ADGRL3: variants seen among roughly 807,000 people sequenced by gnomAD.
ADGRL3 encodes the protein calcium-independent alpha-latrotoxin receptor 3.
Under a neutral mutation model 153.5 loss-of-function variants are expected in ADGRL3, and 62 were observed. The ratio of observed to expected loss-of-function variants is 0.40; its 90% CI spans 0.33 to 0.50. ADGRL3 has a LOEUF of 0.50. Among genes scored for constraint, ADGRL3 ranks in the 20% least tolerant of loss-of-function variants. The pLI is 0.47. For synonymous variants in ADGRL3, 710 were observed against 672.5 expected (o/e 1.06, Z -0.86); for missense variants, 1,641 against 1,859.4 (o/e 0.88, Z 2.16).
At chr4:61,313,255 G>T (rs2095080541) in intron 1 of ADGRL3, among the ~76,000 whole-genome samples, 1 of 152,152 alleles carries the variant, frequency 6.6e-6, no homozygotes, top group African/African-American at 2.4e-5. Flanking sequence ...GATGAAGAAA[G>T]ATGAGCACAG....
chr4:61,419,674 T>C (rs1238085016), intron 2 of ADGRL3, among the ~76,000 whole-genome samples: 2 of 152,240 alleles, frequency 1.3e-5, no homozygotes. Context: ...AAAGAACTTA[T>C]TTGAGGACAT....
intron 1 of ADGRL3, among the ~76,000 whole-genome samples, chr4:61,246,732 T>C (rs1757251468): frequency 6.6e-6 from 1 of 151,692 alleles, no homozygotes; most frequent in African/African-American, 2.4e-5. Context: ...AAATGAGGTG[T>C]GTATATATAT....
rs1446458338 is a variant in ADGRL3, at chr4:62,072,650, T to G, written c.*1742T>G. On this transcript the variant is annotated 3_prime_UTR_variant, in exon 27 of 27. Transcript: ENST00000683033. ...GTAAACCAGAAAAATGGAATGGGCATGTTTATTTTGGATGAAATCAGATGC... is the reference window on the plus strand; with the variant it reads ...GTAAACCAGAAAAATGGAATGGGCAGGTTTATTTTGGATGAAATCAGATGC... The G allele has an allele frequency of 6.6e-6, 1 of 152,188 alleles. No homozygotes were observed. Among genetic ancestry groups the G allele is most frequent in the East Asian group, 1.9e-4 (1 of 5,182 alleles). 9.4% of individuals were successfully genotyped at this position (152,188 alleles called of 1,614,324 possible). A position where few individuals can be genotyped will look rare whatever the true frequency, so the allele number is the denominator to read the frequency against.
Position 61,814,553 on chromosome 4 carries a change from T to A in ADGRL3, c.1480+664T>A, listed in dbSNP as rs77384625. 9.8e-5 allele frequency among the ~76,000 whole-genome samples: 15 copies of A among 152,340 alleles called. No homozygotes were observed. The East Asian group carries it at 1.3e-3, about 14-fold the overall frequency. Reference sequence around the variant, plus strand: ...TCTCACAGCTGATATGTGGACATGCTTTTTAATTTTATAAATACCAAATAT... The same window carrying A: ...TCTCACAGCTGATATGTGGACATGCATTTTAATTTTATAAATACCAAATAT... On this transcript the variant is annotated intron_variant, in intron 9 of 26. Transcript: ENST00000683033.
intron 9 of ADGRL3, among the ~76,000 whole-genome samples, chr4:61,824,698 G>T (rs1027083237): frequency 6.6e-6 from 1 of 151,990 alleles, no homozygotes; most frequent in African/African-American, 2.4e-5. Context: ...CAGCTGCAAG[G>T]TTCCAAATTA....
chr4:61,833,951 G>A (rs923365204), intron 9 of ADGRL3, among the ~76,000 whole-genome samples: 1 of 149,558 alleles, frequency 6.7e-6, no homozygotes, highest in African/African-American at 2.5e-5. Context: ...TTTTGCAAAG[G>A]CAGCTTCTTT....
chr4:61,401,905 A>G (rs1460173308), intron 2 of ADGRL3, among the ~76,000 whole-genome samples: 1 of 152,072 alleles, frequency 6.6e-6, no homozygotes, highest in African/African-American at 2.4e-5. Context: ...GAGGTCAGCA[A>G]ACCTTTTGAG....
In ADGRL3 at chr4:61,905,205, A is replaced by C. The variant is rs2098689559; in HGVS notation, c.1888-4355A>C. 1.3e-5 allele frequency among the ~76,000 whole-genome samples: 2 copies of C among 152,176 alleles called. 1 individual carries two copies. Among genetic ancestry groups the C allele is most frequent in the South Asian group, 4.1e-4 (2 of 4,824 alleles). ...GCCCAGTGGGGGAGTTTTGCAAAGT[A>C]TGAGTTGTATCAGATATCTAGACTT... On this transcript the variant is annotated intron_variant, in intron 11 of 26. Transcript: ENST00000683033.
At chr4:61,927,920 G>A (rs2098801348) in intron 13 of ADGRL3, among the ~76,000 whole-genome samples, 1 of 151,702 alleles carries the variant, frequency 6.6e-6, no homozygotes, top group Non-Finnish European at 1.5e-5. Flanking sequence ...TCTATCTACA[G>A]TGTATACATT....
rs140155112 is a variant in ADGRL3, at chr4:61,815,161, A to C, written c.1480+1272A>C. Among the ~76,000 whole-genome samples the C allele has an allele frequency of 5.2e-4, 79 of 152,254 alleles. No individual in the cohort carries two copies. In the East Asian group the frequency reaches 6.4e-3, roughly 12 times the overall value. On this transcript the variant is annotated intron_variant, in intron 9 of 26. Coordinates refer to ENST00000683033, the MANE Select transcript of ADGRL3 (RefSeq NM_001387552.1). ...AAGAAAAATGAGATAAAACATAAAT[A>C]TGTGAAGGTATTTTTAAGGAATTGT...
chr4:61,952,046 C>T (rs541931619), intron 17 of ADGRL3, among the ~76,000 whole-genome samples: 13 of 152,032 alleles, frequency 8.6e-5, no homozygotes, highest in African/African-American at 2.6e-4. Context: ...TTATAGAGGT[C>T]GATAGAAAGG....
At chr4:61,578,162 T>C (rs2149243825) in intron 4 of ADGRL3, among the ~76,000 whole-genome samples, 1 of 152,188 alleles carries the variant, frequency 6.6e-6, no homozygotes. Flanking sequence ...TAAAAGAAGT[T>C]CCCTTTCCTG....
At chr4:62,028,258 G>A (rs1243530692) in intron 21 of ADGRL3, among the ~76,000 whole-genome samples, 1 of 151,774 alleles carries the variant, frequency 6.6e-6, no homozygotes, top group Non-Finnish European at 1.5e-5. Flanking sequence ...GGCGTTGTAT[G>A]TTTGTTCCTA....
At chr4:61,800,554 A>G (rs1269426894) in intron 8 of ADGRL3, among the ~76,000 whole-genome samples, 1 of 152,190 alleles carries the variant, frequency 6.6e-6, no homozygotes, top group Non-Finnish European at 1.5e-5. Flanking sequence ...TGATGTTCCT[A>G]ACCTCAGTGC....
At chr4:61,764,451 T>A in intron 8 of ADGRL3, among the ~76,000 whole-genome samples, 1 of 108,536 alleles carries the variant, frequency 9.2e-6, no homozygotes, top group South Asian at 2.9e-4. Flanking sequence ...GGAGTGGGGG[T>A]CGCAAGGTGC....
intron 6 of ADGRL3, among the ~76,000 whole-genome samples, chr4:61,698,844 C>G (rs558096532): frequency 6.6e-6 from 1 of 152,112 alleles, no homozygotes; most frequent in African/African-American, 2.4e-5. Context: ...GAAGACTATT[C>G]TTAACGCTAT....
At chr4:61,782,101 TGAG>T (rs1419341937) in intron 8 of ADGRL3, among the ~76,000 whole-genome samples, 1 of 152,156 alleles carries the variant, frequency 6.6e-6, no homozygotes, top group African/African-American at 2.4e-5. Flanking sequence ...TGAAATGGGA[TGAG>T]GAGGATGTAG....
intron 1 of ADGRL3, among the ~76,000 whole-genome samples, chr4:61,216,521 C>CT (rs995957341): frequency 7.3e-5 from 11 of 150,746 alleles, no homozygotes; most frequent in Admixed American, 4.0e-4. Context: ...CATTTTACTC[C>CT]TTTTTTTTTC....
At chr4:61,592,372 C>T (rs1180937029) in intron 5 of ADGRL3, among the ~76,000 whole-genome samples, 2 of 152,068 alleles carry the variant, frequency 1.3e-5, no homozygotes, top group Admixed American at 6.6e-5. Flanking sequence ...TATGTTGTCT[C>T]GTATTTCTCT....
Sources: allele counts gnomAD v4.1 joint callset (sites outside exome capture counted in the v4.1 genomes callset), GRCh38; gene constraint gnomAD v4.1.1; transcripts MANE v1.5; gene names NCBI Gene and HGNC (gene_info 2026-07-23, HGNC 2026-07-21).